Variants in ATP2B4 observed in about 807,000 individuals in gnomAD.
The protein encoded by ATP2B4 is plasma membrane calcium-transporting ATPase 4.
In ATP2B4, 39 loss-of-function variants were observed where a neutral mutation model predicts 110.3. That is an observed-to-expected ratio of 0.35 (90% confidence interval 0.27 to 0.46). The LOEUF (loss-of-function observed/expected upper bound fraction) is 0.46. Ranked by LOEUF, ATP2B4 falls within the 20% of genes least tolerant of loss-of-function variation. ATP2B4 has a pLI of 1.00. For synonymous variants in ATP2B4, 538 were observed against 571.7 expected (o/e 0.94, Z 0.84); for missense variants, 1,135 against 1,530.9 (o/e 0.74, Z 4.32).
At chr1:203,673,148 G>A (rs994018005) in intron 1 of ATP2B4, among the ~76,000 whole-genome samples, 2 of 152,176 alleles carry the variant, frequency 1.3e-5, no homozygotes, top group Admixed American at 1.3e-4. Context: ...CATTTTCAAA[G>A]TGTGGTCCCC....
chr1:203,687,679 T>C (rs1049037404), intron 2 of ATP2B4, among the ~76,000 whole-genome samples: 1 of 152,226 alleles, frequency 6.6e-6, no homozygotes, highest in Admixed American at 6.5e-5. Context: ...CCATAGCTTT[T>C]AAGGGGGCTT....
intron 1 of ATP2B4, among the ~76,000 whole-genome samples, chr1:203,631,857 C>T (rs1021114625): frequency 1.3e-4 from 20 of 151,806 alleles, no homozygotes; most frequent in Non-Finnish European, 2.7e-4. Context: ...TGCAGCGGCG[C>T]GATCTCAGCT....
At chr1:203,689,572 C>T (rs1029661374) in intron 2 of ATP2B4, among the ~76,000 whole-genome samples, 2 of 152,184 alleles carry the variant, frequency 1.3e-5, no homozygotes, top group Admixed American at 1.3e-4. Flanking sequence ...TTTTATGTTC[C>T]TTCTGTACCC....
chr1:203,718,944 A>C (rs1398896293), intron 15 of ATP2B4, among the ~76,000 whole-genome samples: 1 of 152,004 alleles, frequency 6.6e-6, no homozygotes, highest in Admixed American at 6.6e-5. Flanking sequence ...TTTTTAGGCC[A>C]GTGTGGTGGC....
rs2102361572 is a variant in ATP2B4 at position 203,683,072 on chromosome 1, A to G, written c.-134A>G. The stretch of plus-strand genomic sequence containing the variant: ...GGAGCTTATTGCACAAGATATATTC[A>G]ATCTATTCCCTCACTGGGCCCCCAG... On this transcript the variant is annotated 5_prime_UTR_variant, in exon 2 of 21. Coordinates refer to ENST00000357681, the MANE Select transcript of ATP2B4 (RefSeq NM_001684.5). 1 of 964,858 alleles carries G rather than the reference A, an allele frequency of 1.0e-6. No individual in the cohort carries two copies. The highest frequency in any genetic ancestry group is 1.5e-6 in the Non-Finnish European group (1 of 647,620). 59.8% of individuals were successfully genotyped at this position (964,858 alleles called of 1,614,324 possible). A position where few individuals can be genotyped will look rare whatever the true frequency, so the allele number is the denominator to read the frequency against.
rs1665764617 is a variant in ATP2B4, at chr1:203,703,782, G to A, written c.1068G>A (p.Leu356=). 1 of 1,613,982 alleles carries A rather than the reference G, an allele frequency of 6.2e-7. No homozygotes were observed. Among genetic ancestry groups the A allele is most frequent in the South Asian group, 1.1e-5 (1 of 91,074 alleles). The change falls in exon 8 of 21, where the codon CTG becomes CTA. Residue 356 remains leucine (L), a synonymous_variant. Transcript: ENST00000357681. ...KKEKSVLQGK[L]TRLAVQIGKA... The stretch of plus-strand genomic sequence containing the variant: ...AGAAGTCAGTGCTGCAGGGCAAGCT[G>A]ACTCGCCTGGCTGTTCAGATTGGGA...
chr1:203,724,867 GTTTTTTTTTTTT>G lies in ATP2B4; in HGVS notation c.3132+893_3132+904del, dbSNP rs1031319768. On this transcript the variant is annotated intron_variant, in intron 19 of 20. Transcript: ENST00000357681. ...TGCCTGGGTTTGAATCCAGCTCTCT[GTTTTTTTTTTTT>G]TTTTTTTTTTTTTCTGAGACAGAGT... 3.8e-5 allele frequency among the ~76,000 whole-genome samples: 3 copies of G among 78,404 alleles called. No individual in the cohort carries two copies. In the Admixed American group the frequency reaches 5.5e-4, roughly 14 times the overall value. The allele number at this position is 78,404 out of a possible 152,430, so 51.4% of individuals were successfully genotyped here.
intron 15 of ATP2B4, among the ~76,000 whole-genome samples, chr1:203,718,131 G>A (rs993531997): frequency 2.0e-5 from 3 of 152,072 alleles, no homozygotes; most frequent in African/African-American, 7.2e-5. Flanking sequence ...CTCACAAAGA[G>A]AAAATACTTC....
At chr1:203,664,653 T>G (rs1419745369) in intron 1 of ATP2B4, among the ~76,000 whole-genome samples, 1 of 151,996 alleles carries the variant, frequency 6.6e-6, no homozygotes, top group African/African-American at 2.4e-5. Context: ...CTGGCCCGGG[T>G]GCAGGGGCCC....
chr1:203,731,814 C>A, intron 20 of ATP2B4, among the ~76,000 whole-genome samples: 1 of 136,280 alleles, frequency 7.3e-6, no homozygotes, highest in Admixed American at 7.7e-5. Flanking sequence ...CGTGCCATTG[C>A]ACTCCAGCCT....
At position 203,739,812 on chromosome 1, in the gene ATP2B4, C is replaced by G. The variant is rs371318649; in HGVS notation, c.3576C>G (p.Pro1192=). 1.1e-4 allele frequency: 184 copies of G among 1,614,110 alleles called. No homozygotes were observed. The highest frequency in any genetic ancestry group is 1.7e-4 in the Middle Eastern group (1 of 6,026). The change falls in exon 21 of 21, where the codon CCC becomes CCG. Residue 1192 remains proline, a synonymous_variant. Coordinates refer to ENST00000357681, the MANE Select transcript of ATP2B4 (RefSeq NM_001684.5). ...NAVDCNQVQL[P]QSDSSLQSLE... ...TGGATTGCAACCAAGTGCAGCTCCCCCAGTCGGACAGCTCTCTACAGAGCC... is the reference window on the plus strand; with the variant it reads ...TGGATTGCAACCAAGTGCAGCTCCCGCAGTCGGACAGCTCTCTACAGAGCC...
intron 1 of ATP2B4, among the ~76,000 whole-genome samples, chr1:203,638,952 G>T (rs1663546305): frequency 6.6e-6 from 1 of 152,220 alleles, no homozygotes; most frequent in South Asian, 2.1e-4. Flanking sequence ...CCCCTCCATG[G>T]CTCCTCCTCG....
At chr1:203,688,101 G>A (rs940140652) in intron 2 of ATP2B4, among the ~76,000 whole-genome samples, 1 of 151,242 alleles carries the variant, frequency 6.6e-6, no homozygotes, top group Non-Finnish European at 1.5e-5. Context: ...TCGGCTCACT[G>A]CAACCTCCGC....
At chr1:203,630,010 G>C (rs1411466555) in intron 1 of ATP2B4, among the ~76,000 whole-genome samples, 2 of 152,208 alleles carry the variant, frequency 1.3e-5, no homozygotes, top group African/African-American at 4.8e-5. Context: ...TGCTCTCCAC[G>C]GTAGAGGTGA....
intron 17 of ATP2B4, 72 bp downstream of exon 17, chr1:203,721,482 G>A: frequency 1.4e-6 from 2 of 1,465,454 alleles, no homozygotes; most frequent in East Asian, 4.5e-5. Flanking sequence ...AAGGTAGCGT[G>A]AGAGCAAGTG....
intron 2 of ATP2B4, among the ~76,000 whole-genome samples, chr1:203,684,927 A>G (rs1191467529): frequency 6.6e-6 from 1 of 152,094 alleles, no homozygotes; most frequent in Non-Finnish European, 1.5e-5. Context: ...GCAATGGTGC[A>G]ATCTTGGCTC....
chr1:203,724,865 CTGTTTTTTTTTT>C (rs1294194732), intron 19 of ATP2B4, among the ~76,000 whole-genome samples: 5 of 101,454 alleles, frequency 4.9e-5, no homozygotes, highest in African/African-American at 1.2e-4. Flanking sequence ...ATCCAGCTCT[CTGTTTTTTTTTT>C]TTTTTTTTTT....
At chr1:203,720,072 T>A (rs1464708395) in intron 15 of ATP2B4, among the ~76,000 whole-genome samples, 6 of 151,764 alleles carry the variant, frequency 4.0e-5, no homozygotes, top group African/African-American at 1.4e-4. Context: ...TTGTCTCAAA[T>A]TTTTTTTTAA....
At chr1:203,652,505 T>C (rs574194656) in intron 1 of ATP2B4, among the ~76,000 whole-genome samples, 3 of 152,332 alleles carry the variant, frequency 2.0e-5, no homozygotes, top group Admixed American at 2.0e-4. Flanking sequence ...GCATACCTTA[T>C]TTTATTGTAC....
Sources: gnomAD v4.1 joint callset for allele counts (sites outside exome capture counted in the v4.1 genomes callset) on GRCh38, gnomAD v4.1.1 for gene constraint, MANE v1.5 for transcripts, NCBI Gene and HGNC (gene_info 2026-07-23, HGNC 2026-07-21) for gene names.